Variants in GALNTL6 observed in about 807,000 individuals in gnomAD.
GALNTL6 encodes polypeptide N-acetylgalactosaminyltransferase like 6, also known as polypeptide N-acetylgalactosaminyltransferase-like 6.
GALNTL6 carries 46 observed loss-of-function variants against 73.7 expected under a neutral mutation model. The observed-to-expected ratio is 0.62, with a 90% CI of 0.49 to 0.80. The LOEUF (loss-of-function observed/expected upper bound fraction) is 0.80, where lower values mean the gene tolerates loss of function less well. GALNTL6 is among the 30% of genes least tolerant of loss of function. The pLI is 0.00. For synonymous variants in GALNTL6, 259 were observed against 263.7 expected (o/e 0.98, Z 0.17); for missense variants, 604 against 755.0 (o/e 0.80, Z 2.34).
At chr4:172,571,089 G>A (rs1035431737) in intron 5 of GALNTL6, among the ~76,000 whole-genome samples, 1 of 152,144 alleles carries the variant, frequency 6.6e-6, no homozygotes, top group Non-Finnish European at 1.5e-5. Flanking sequence ...GCGTGGCCTG[G>A]TTCCTAAAAG....
chr4:172,684,557 C>T (rs1038456731), intron 5 of GALNTL6, among the ~76,000 whole-genome samples: 24 of 151,916 alleles, frequency 1.6e-4, no homozygotes, highest in African/African-American at 5.6e-4. Flanking sequence ...AATAATGGGT[C>T]TATAAGAGAG....
intron 10 of GALNTL6, among the ~76,000 whole-genome samples, chr4:172,981,844 C>G (rs979531750): frequency 2.1e-5 from 3 of 146,290 alleles, no homozygotes; most frequent in African/African-American, 7.6e-5. Context: ...CTCTTGTTGC[C>G]CAGGCTGGAG....
intron 2 of GALNTL6, among the ~76,000 whole-genome samples, chr4:171,924,365 G>A (rs1338079131): frequency 2.0e-5 from 3 of 152,122 alleles, no homozygotes; most frequent in Admixed American, 6.6e-5. Context: ...TGACATTTGT[G>A]CAAAAACGTT....
intron 5 of GALNTL6, among the ~76,000 whole-genome samples, chr4:172,525,634 A>G (rs1734925185): frequency 1.3e-5 from 2 of 152,192 alleles, no homozygotes; most frequent in African/African-American, 2.4e-5. Context: ...AGGCCAAGGC[A>G]GGAGGACCGT....
chr4:172,408,321 T>A (rs901415543), intron 5 of GALNTL6, among the ~76,000 whole-genome samples: 1 of 152,074 alleles, frequency 6.6e-6, no homozygotes, highest in Non-Finnish European at 1.5e-5. Flanking sequence ...TTTTTATACC[T>A]ATACCTGTAC....
intron 2 of GALNTL6, among the ~76,000 whole-genome samples, chr4:171,894,675 T>A (rs1273573558): frequency 6.6e-6 from 1 of 152,166 alleles, no homozygotes; most frequent in Non-Finnish European, 1.5e-5. Context: ...CTGTTTCTTT[T>A]AAATATGATG....
chr4:172,477,628 C>T (rs1200526321), intron 5 of GALNTL6, among the ~76,000 whole-genome samples: 1 of 152,156 alleles, frequency 6.6e-6, no homozygotes, highest in East Asian at 1.9e-4. Flanking sequence ...CTTTTCTCTG[C>T]CTATGATGAA....
chr4:172,021,547 A>G (rs140514235), intron 2 of GALNTL6, among the ~76,000 whole-genome samples: 3,431 of 152,136 alleles, frequency 0.023, 66 homozygotes, highest in Non-Finnish European at 0.031. Context: ...AAAGCAAACC[A>G]TATCAAAATA....
At chr4:171,891,491 G>GA (rs1160845530) in intron 2 of GALNTL6, among the ~76,000 whole-genome samples, 2 of 151,982 alleles carry the variant, frequency 1.3e-5, no homozygotes, top group African/African-American at 2.4e-5. Flanking sequence ...CAGGTAGATT[G>GA]AAAAAAAGAG....
chr4:172,538,129 T>C (rs1735413419), intron 5 of GALNTL6, among the ~76,000 whole-genome samples: 1 of 152,116 alleles, frequency 6.6e-6, no homozygotes. Flanking sequence ...TGGCTGTATA[T>C]ACACAGACAT....
chr4:172,752,754 T>C (rs1737499936), intron 5 of GALNTL6, among the ~76,000 whole-genome samples: 1 of 152,156 alleles, frequency 6.6e-6, no homozygotes, highest in Non-Finnish European at 1.5e-5. Context: ...TACTTTTTAT[T>C]ATAAAACTGT....
intron 10 of GALNTL6, among the ~76,000 whole-genome samples, chr4:172,965,177 T>C (rs1297831659): frequency 6.6e-6 from 1 of 152,104 alleles, no homozygotes; most frequent in East Asian, 1.9e-4. Flanking sequence ...AAAAACGAGG[T>C]TGGGAAAAAT....
chr4:172,958,361 TG>T (rs1749860925), intron 10 of GALNTL6, among the ~76,000 whole-genome samples: 1 of 152,122 alleles, frequency 6.6e-6, no homozygotes, highest in Non-Finnish European at 1.5e-5. Context: ...GCACTTTGGC[TG>T]TGGGTAATGG....
chr4:172,892,605 CTT>C (rs57815105), intron 8 of GALNTL6, among the ~76,000 whole-genome samples: 1,850 of 137,764 alleles, frequency 0.013, 27 homozygotes, highest in African/African-American at 0.041. Flanking sequence ...ATTTTTAATT[CTT>C]TTTTTTTTTT....
At chr4:172,375,616 G>C (rs1308418612) in intron 5 of GALNTL6, among the ~76,000 whole-genome samples, 2 of 152,134 alleles carry the variant, frequency 1.3e-5, no homozygotes, top group South Asian at 2.1e-4. Context: ...AATGGTCCCT[G>C]GACCCTGCTG....
chr4:172,142,653 A>G (rs1286174242), intron 2 of GALNTL6, among the ~76,000 whole-genome samples: 2 of 151,962 alleles, frequency 1.3e-5, no homozygotes, highest in African/African-American at 4.8e-5. Flanking sequence ...TTTTCCAAAC[A>G]TTTCTTGCAT....
intron 10 of GALNTL6, among the ~76,000 whole-genome samples, chr4:172,969,568 A>G (rs901169836): frequency 3.9e-5 from 6 of 152,242 alleles, no homozygotes; most frequent in Non-Finnish European, 8.8e-5. Context: ...AAAAAATAGC[A>G]TCCAAGCAAA....
intron 5 of GALNTL6, among the ~76,000 whole-genome samples, chr4:172,747,557 C>T (rs1196596027): frequency 6.6e-6 from 1 of 151,912 alleles, no homozygotes; most frequent in African/African-American, 2.4e-5. Context: ...CACTTTTACA[C>T]TGTTGATGGT....
chr4:171,904,987 G>A (rs1737227798), intron 2 of GALNTL6, among the ~76,000 whole-genome samples: 1 of 152,142 alleles, frequency 6.6e-6, no homozygotes, highest in Admixed American at 6.5e-5. Context: ...AACAGCTCCT[G>A]AAGGAAGCGC....
Sources: allele counts gnomAD v4.1 joint callset (sites outside exome capture counted in the v4.1 genomes callset), GRCh38; gene constraint gnomAD v4.1.1; transcripts MANE v1.5; gene names NCBI Gene and HGNC (gene_info 2026-07-23, HGNC 2026-07-21).